Variants in TEKT3 observed in about 807,000 individuals in gnomAD.
TEKT3 encodes tektin 3, also known as tektin-3.
A neutral mutation model predicts 49.8 loss-of-function variants in TEKT3; 49 were observed. That is an observed-to-expected ratio of 0.98 (90% CI 0.78 to 1.25). The LOEUF is 1.25. Among genes scored for constraint, TEKT3 ranks in the 50% most tolerant of loss-of-function variants. The probability of loss-of-function intolerance (pLI) is 0.00; values close to 1 mark genes in which losing one functional copy is unlikely to be tolerated. For missense variants in TEKT3, 595 were observed against 629.5 expected, an observed-to-expected ratio of 0.95 and a Z score of 0.59; for synonymous variants, 225 against 237.2, an observed-to-expected ratio of 0.95 and a Z score of 0.47.
intron 5 of TEKT3, among the ~76,000 whole-genome samples, chr17:15,318,816 T>C (rs1911129629): frequency 6.6e-6 from 1 of 152,224 alleles, no homozygotes; most frequent in Admixed American, 6.5e-5. Context: ...TCTATTTGTA[T>C]TATTTTAAAA....
At position 15,314,134 on chromosome 17, in the gene TEKT3, T is replaced by C. The variant is rs1259765573; in HGVS notation, c.831A>G (p.Thr277=). ...IDDKCHHLRN[T]SDGVGYFRGV... is the part of the protein sequence containing the mutation. ...CGCGGAAGTAGCCGACACCGTCTGA[T>C]GTGTTGCGCAGGTGGTGGCATTTGT... Residue 277 remains threonine, a synonymous_variant, in exon 6 of 9, where the codon ACA becomes ACG. Coordinates refer to ENST00000395930, the MANE Select transcript of TEKT3 (RefSeq NM_031898.3). 1.9e-6 allele frequency: 3 copies of C among 1,614,198 alleles called. No homozygotes were observed. The South Asian group carries it at 3.3e-5, about 18-fold the overall frequency.
chr17:15,319,754 C>T (rs1333539863), intron 4 of TEKT3, among the ~76,000 whole-genome samples: 1 of 152,184 alleles, frequency 6.6e-6, no homozygotes, highest in Non-Finnish European at 1.5e-5. Flanking sequence ...CCTTTTGATG[C>T]TGCTAGGATG....
intron 8 of TEKT3, among the ~76,000 whole-genome samples, chr17:15,306,692 C>A (rs1323980423): frequency 6.6e-6 from 1 of 151,930 alleles, no homozygotes; most frequent in Non-Finnish European, 1.5e-5. Context: ...GTCTGTCTAA[C>A]GGCAGTATAA....
At position 15,304,158 on chromosome 17, in the gene TEKT3, G is replaced by A; in HGVS notation, c.1257-6C>T. The A allele has an allele frequency of 6.2e-7, 1 of 1,614,106 alleles. No individual in the cohort carries two copies. Among genetic ancestry groups the A allele is most frequent in the Non-Finnish European group, 8.5e-7 (1 of 1,179,982 alleles). On this transcript the variant is annotated splice_polypyrimidine_tract_variant and splice_region_variant and intron_variant, in intron 8 of 8. Coordinates refer to ENST00000395930, the MANE Select transcript of TEKT3 (RefSeq NM_031898.3). The surrounding 1 kb of genome is among the most constrained non-coding windows in gnomAD (Gnocchi z 4.7). ...CGTGTACCTCGTTAACAAGGCTGCAGCATAAAGGAATCAGCATGGTTAGGT... is the reference window on the plus strand; with the variant it reads ...CGTGTACCTCGTTAACAAGGCTGCAACATAAAGGAATCAGCATGGTTAGGT...
chr17:15,316,125 T>C (rs1910997322), intron 5 of TEKT3, among the ~76,000 whole-genome samples: 1 of 152,214 alleles, frequency 6.6e-6, no homozygotes, highest in Admixed American at 6.5e-5. Flanking sequence ...TCCCTTCCCT[T>C]GCTACTTCTG....
At chr17:15,316,596 T>A (rs1012277501) in intron 5 of TEKT3, among the ~76,000 whole-genome samples, 4 of 152,186 alleles carry the variant, frequency 2.6e-5, no homozygotes. Flanking sequence ...AAATTGCACT[T>A]GTACCCCATG....
chr17:15,325,706 G>A (rs184568568), intron 4 of TEKT3, among the ~76,000 whole-genome samples: 447 of 152,304 alleles, frequency 2.9e-3, no homozygotes, highest in African/African-American at 0.011. Flanking sequence ...GTGTTTGTGG[G>A]CAAGGTGATG....
chr17:15,312,191 G>A (rs1910797229), intron 7 of TEKT3, 68 bp downstream of exon 7: 2 of 1,474,008 alleles, frequency 1.4e-6, no homozygotes, highest in Non-Finnish European at 1.9e-6. Flanking sequence ...AGTGGTGAGA[G>A]ATTTGTAGTC....
Position 15,308,669 on chromosome 17 carries a change from C to T in TEKT3, c.1251G>A (p.Gln417=). ...GCCTTCCCCTCCCACCTTACCGTAG[C>T]TGAGCCATGTCTCGGCACAACTCAA... ...PNIELCRDMA[Q]LRLVNEVHEV... The change falls in exon 8 of 9, where the codon CAG becomes CAA. Residue 417 remains glutamine (Q), a synonymous_variant. Transcript: ENST00000395930. The T allele has an allele frequency of 6.2e-7, 1 of 1,606,494 alleles. No homozygotes were observed. Among genetic ancestry groups the T allele is most frequent in the Non-Finnish European group, 8.5e-7 (1 of 1,174,850 alleles).
At position 15,304,298 on chromosome 17, in the gene TEKT3, TA is replaced by T. The variant is rs1039956001; in HGVS notation, c.1257-147del. 4.1e-6 allele frequency: 3 copies of T among 728,626 alleles called. No individual in the cohort carries two copies. In the African/African-American group the frequency reaches 5.3e-5, roughly 13 times the overall value. 45.1% of individuals were successfully genotyped at this position (728,626 alleles called of 1,614,324 possible). On this transcript the variant is annotated intron_variant, in intron 8 of 8. Coordinates refer to ENST00000395930, the MANE Select transcript of TEKT3 (RefSeq NM_031898.3). The surrounding 1 kb of genome is among the most constrained non-coding windows in gnomAD (Gnocchi z 4.7). ...GCAAATGAGAGGTGCATGAAATTAA[TA>T]AAATATAAAGAAATATAAAGAGAAT...
intron 4 of TEKT3, among the ~76,000 whole-genome samples, chr17:15,320,747 C>T (rs1911217600): frequency 6.6e-6 from 1 of 152,152 alleles, no homozygotes; most frequent in Non-Finnish European, 1.5e-5. Flanking sequence ...CCCAGCCTCA[C>T]AGTAGGTTGT....
chr17:15,324,281 CT>C (rs200841300), intron 4 of TEKT3, among the ~76,000 whole-genome samples: 14 of 151,966 alleles, frequency 9.2e-5, no homozygotes, highest in African/African-American at 3.4e-4. Context: ...CACATCATTC[CT>C]TTTTTTTGGC....
intron 6 of TEKT3, among the ~76,000 whole-genome samples, chr17:15,313,396 T>C (rs1597660068): frequency 6.6e-6 from 1 of 152,066 alleles, no homozygotes; most frequent in Non-Finnish European, 1.5e-5. Context: ...AAACCACTGG[T>C]GGGGTAAGTT....
chr17:15,305,462 T>G (rs1910503113), intron 8 of TEKT3, among the ~76,000 whole-genome samples: 1 of 152,240 alleles, frequency 6.6e-6, no homozygotes, highest in Non-Finnish European at 1.5e-5. Flanking sequence ...AAATTTCTTG[T>G]TATTGTTTAG....
chr17:15,334,373 A>T (rs1372908925), intron 2 of TEKT3, among the ~76,000 whole-genome samples: 2 of 152,206 alleles, frequency 1.3e-5, no homozygotes, highest in Non-Finnish European at 2.9e-5. Flanking sequence ...TCTTGACAAT[A>T]AGAGATCCAG....
chr17:15,309,869 C>T (rs529576508), intron 7 of TEKT3, among the ~76,000 whole-genome samples: 1 of 152,302 alleles, frequency 6.6e-6, no homozygotes, highest in African/African-American at 2.4e-5. Context: ...CTTGTTTTCT[C>T]TTGCCAAGTG....
Position 15,304,056 on chromosome 17 carries a change from G to C in TEKT3, c.1353C>G (p.Ile451Met). ...CCAGGTCATACTCGAGTGTGGCTTTGATGTGGACCAGCGACTGCAGGGTGT... is the reference window on the plus strand; with the variant it reads ...CCAGGTCATACTCGAGTGTGGCTTTCATGTGGACCAGCGACTGCAGGGTGT... Reference protein sequence around the residue: ...AEDTLQSLVHIKATLEYDLAV... With the variant: ...AEDTLQSLVHMKATLEYDLAV... The change falls in exon 9 of 9, where the codon ATC (isoleucine) becomes ATG (methionine). Residue 451 changes from isoleucine to methionine, a missense_variant. Physicochemically the swap from Ile to Met is conservative, Grantham distance 10 (BLOSUM62 1). Coordinates refer to ENST00000395930, the MANE Select transcript of TEKT3 (RefSeq NM_031898.3). This position sits in a 1 kb window ranked among gnomAD's most constrained non-coding sequence, Gnocchi z 4.7. 1 of 1,614,170 alleles carries C rather than the reference G, an allele frequency of 6.2e-7. No homozygotes were observed. The highest frequency in any genetic ancestry group is 8.5e-7 in the Non-Finnish European group (1 of 1,180,032).
At chr17:15,308,625 C>T in intron 8 of TEKT3, 39 bp downstream of exon 8, 1 of 1,586,490 alleles carries the variant, frequency 6.3e-7, no homozygotes, top group African/African-American at 1.3e-5. Flanking sequence ...GGTCTGGTGG[C>T]CCTCCGAGCG....
At chr17:15,310,288 G>A (rs1313940969) in intron 7 of TEKT3, among the ~76,000 whole-genome samples, 1 of 152,176 alleles carries the variant, frequency 6.6e-6, no homozygotes, top group African/African-American at 2.4e-5. Flanking sequence ...ATCCCCGAGT[G>A]CCTAGCACAA....
Sources: allele counts gnomAD v4.1 joint callset (sites outside exome capture counted in the v4.1 genomes callset), GRCh38; gene constraint gnomAD v4.1.1; non-coding constraint Gnocchi (gnomAD v3.1); transcripts MANE v1.5; gene names NCBI Gene and HGNC (gene_info 2026-07-23, HGNC 2026-07-21).